Variants in TMEM156 observed in about 807,000 individuals in gnomAD.
TMEM156 encodes transmembrane protein 156.
TMEM156 carries 28 observed loss-of-function variants against 30.5 expected under a neutral mutation model. That is an observed-to-expected ratio of 0.92 (90% CI 0.68 to 1.26). TMEM156 has a LOEUF of 1.26. Ranked by LOEUF, TMEM156 falls within the 50% of genes most tolerant of loss-of-function variation. The probability of loss-of-function intolerance (pLI) is 0.00; values close to 1 mark genes in which losing one functional copy is unlikely to be tolerated. For missense variants in TMEM156, 351 were observed against 340.6 expected (o/e 1.03, Z -0.24); for synonymous variants, 137 against 119.9 (o/e 1.14, Z -0.93).
intron 1 of TMEM156, among the ~76,000 whole-genome samples, chr4:38,999,802 G>T (rs1180821645): frequency 6.6e-6 from 1 of 152,120 alleles, no homozygotes; most frequent in African/African-American, 2.4e-5. Context: ...TAGTCATATT[G>T]CTTTCTCCTC....
At chr4:39,004,823 T>A (rs1713616551) in intron 1 of TMEM156, among the ~76,000 whole-genome samples, 1 of 152,162 alleles carries the variant, frequency 6.6e-6, no homozygotes, top group African/African-American at 2.4e-5. Flanking sequence ...GAAAACAGAT[T>A]TTCTTATGAG....
chr4:38,988,032 T>A (rs1179927410), intron 4 of TMEM156, among the ~76,000 whole-genome samples: 2 of 152,120 alleles, frequency 1.3e-5, no homozygotes, highest in Admixed American at 1.3e-4. Flanking sequence ...ACAATCAATG[T>A]CCATCCTGAT....
At chr4:39,004,624 T>C (rs1448030058) in intron 1 of TMEM156, among the ~76,000 whole-genome samples, 1 of 152,150 alleles carries the variant, frequency 6.6e-6, no homozygotes, top group Non-Finnish European at 1.5e-5. Context: ...GTTTTAGTCA[T>C]GTTGATACAT....
At chr4:39,025,014 A>G (rs188754887) in intron 1 of TMEM156, among the ~76,000 whole-genome samples, 3 of 152,302 alleles carry the variant, frequency 2.0e-5, no homozygotes, top group Admixed American at 1.3e-4. Flanking sequence ...ACATTCATTA[A>G]CATATGATGT....
chr4:39,009,329 C>A (rs1458759417), intron 1 of TMEM156, among the ~76,000 whole-genome samples: 1 of 152,132 alleles, frequency 6.6e-6, no homozygotes, highest in Non-Finnish European at 1.5e-5. Context: ...AAAGAAAGAG[C>A]TGCTACCAAT....
chr4:38,976,291 A>G (rs541528323), intron 5 of TMEM156, among the ~76,000 whole-genome samples: 1,584 of 23,324 alleles, frequency 0.068, 47 homozygotes, highest in Non-Finnish European at 0.06. Flanking sequence ...CTCCGTCTCA[A>G]AAAAAAAAAA....
chr4:38,984,510 T>G (rs1396277966), intron 5 of TMEM156, among the ~76,000 whole-genome samples: 3 of 152,120 alleles, frequency 2.0e-5, no homozygotes, highest in African/African-American at 7.2e-5. Context: ...CTACATTTTT[T>G]TTTTCTACCC....
rs559895127 is a variant in TMEM156 at position 39,004,634 on chromosome 4, T to A, written c.89-5725A>T. Among the ~76,000 whole-genome samples, 28 of 152,278 alleles carry A rather than the reference T, an allele frequency of 1.8e-4. No homozygotes were observed. In the East Asian group the frequency reaches 5.4e-3, roughly 29 times the overall value. On this transcript the variant is annotated intron_variant, in intron 1 of 6. Transcript: ENST00000381938. ...AACATGTTTTAGTCATGTTGATACA[T>A]AGAGCTGTAGTTAATTATATATGGT...
At chr4:38,972,196 G>A (rs183415252) in intron 5 of TMEM156, among the ~76,000 whole-genome samples, 2 of 149,358 alleles carry the variant, frequency 1.3e-5, no homozygotes, top group Admixed American at 6.7e-5. Context: ...TGTCCATGAA[G>A]ATGATCAAAC....
rs763111686 is a variant in TMEM156 at position 38,993,772 on chromosome 4, T to C, written c.585A>G (p.Ile195Met). The change falls in exon 3 of 7, where the codon ATA becomes ATG. Residue 195 changes from isoleucine to methionine, a missense_variant. Transcript: ENST00000381938. The stretch of plus-strand genomic sequence containing the variant: ...CCATCTCTAGGTGCAAAGAAATGTG[T>C]ATACAATCATTCGGGTATTCCATGA... ...CRIMEYPNDC[I>M]HISLHLEMDI... 6.2e-7 allele frequency: 1 copy of C among 1,613,606 alleles called. No homozygotes were observed. The highest frequency in any genetic ancestry group is 1.7e-5 in the Admixed American group (1 of 60,024).
rs568743927 is a variant in TMEM156, at chr4:38,996,587, G to GA, written c.358+2052dup. Among the ~76,000 whole-genome samples the GA allele has an allele frequency of 2.2e-4, 33 of 150,112 alleles. 1 individual carries two copies. The East Asian group carries it at 3.5e-3, about 16-fold the overall frequency. On this transcript the variant is annotated intron_variant, in intron 2 of 6. Transcript: ENST00000381938. ...ACTCCATCTCAAAAAGAAAAGAAAAGAAAAAAAAACATAAGCGTTGGCAAA... is the reference window on the plus strand; with the variant it reads ...ACTCCATCTCAAAAAGAAAAGAAAAGAAAAAAAAAACATAAGCGTTGGCAAA...
chr4:38,981,701 C>A (rs1049184786), intron 5 of TMEM156, among the ~76,000 whole-genome samples: 1 of 152,072 alleles, frequency 6.6e-6, no homozygotes, highest in Non-Finnish European at 1.5e-5. Flanking sequence ...GGAAAAAAAA[C>A]GGAGTTTTGA....
chr4:38,999,110 ATTTTTT>A (rs34889728), intron 1 of TMEM156, among the ~76,000 whole-genome samples: 29,437 of 105,920 alleles, frequency 0.28, 3,380 homozygotes, highest in East Asian at 0.4. Context: ...TTATTTATTT[ATTTTTT>A]TTTTTTTTTT....
At chr4:38,977,687 T>G (rs556686841) in intron 5 of TMEM156, among the ~76,000 whole-genome samples, 1 of 152,240 alleles carries the variant, frequency 6.6e-6, no homozygotes, top group Non-Finnish European at 1.5e-5. Context: ...TTTCATGAAT[T>G]TATCAAATCT....
rs577352037 is a variant in TMEM156, at chr4:39,008,133, T to G, written c.89-9224A>C. 4.6e-5 allele frequency among the ~76,000 whole-genome samples: 7 copies of G among 152,314 alleles called. No homozygotes were observed. In the East Asian group the frequency reaches 1.3e-3, roughly 29 times the overall value. On this transcript the variant is annotated intron_variant, in intron 1 of 6. Transcript: ENST00000381938. The stretch of plus-strand genomic sequence containing the variant: ...TTTTTATTTCTTATACTTGTCTTAC[T>G]GCAATGTCAAGGACGTTCAGTACCA...
intron 4 of TMEM156, among the ~76,000 whole-genome samples, chr4:38,988,635 G>A (rs912942843): frequency 1.6e-5 from 2 of 121,974 alleles, no homozygotes; most frequent in African/African-American, 2.6e-5. Flanking sequence ...TATTCACCCA[G>A]TCTTTCTTCT....
intron 1 of TMEM156, among the ~76,000 whole-genome samples, chr4:39,025,772 C>T (rs112796834): frequency 2.6e-5 from 4 of 152,288 alleles, no homozygotes; most frequent in African/African-American, 9.6e-5. Context: ...GGTAAAAAGA[C>T]ACATACCTTT....
intron 1 of TMEM156, among the ~76,000 whole-genome samples, chr4:39,017,442 G>A (rs1378207659): frequency 6.6e-6 from 1 of 151,922 alleles, no homozygotes; most frequent in Non-Finnish European, 1.5e-5. Context: ...GCCTCCCAAA[G>A]TGCTGGGATT....
At chr4:39,022,362 C>A (rs1283834716) in intron 1 of TMEM156, among the ~76,000 whole-genome samples, 1 of 152,204 alleles carries the variant, frequency 6.6e-6, no homozygotes, top group African/African-American at 2.4e-5. Context: ...TCAGTCATAT[C>A]TCAGTCTTAC....
Sources: gnomAD v4.1 joint callset for allele counts (sites outside exome capture counted in the v4.1 genomes callset) on GRCh38, gnomAD v4.1.1 for gene constraint, MANE v1.5 for transcripts, NCBI Gene and HGNC (gene_info 2026-07-23, HGNC 2026-07-21) for gene names.